Variants in DPY19L4 observed in about 807,000 individuals in gnomAD.
The protein encoded by DPY19L4 is probable C-mannosyltransferase DPY19L4.
In DPY19L4, 97 loss-of-function variants were observed where a neutral mutation model predicts 102.8. That is an observed-to-expected ratio of 0.94 (90% CI 0.80 to 1.12). The LOEUF (loss-of-function observed/expected upper bound fraction) is 1.12. DPY19L4 is among the 50% of genes most tolerant of loss of function. DPY19L4 has a pLI of 0.00. For missense variants in DPY19L4, 815 were observed against 850.4 expected, an observed-to-expected ratio of 0.96 and a Z score of 0.52; for synonymous variants, 252 against 283.1, an observed-to-expected ratio of 0.89 and a Z score of 1.10.
At chr8:94,757,932 G>A (rs2130866525) in intron 7 of DPY19L4, among the ~76,000 whole-genome samples, 1 of 151,938 alleles carries the variant, frequency 6.6e-6, no homozygotes, top group East Asian at 2.0e-4. Flanking sequence ...CCAACATGGT[G>A]AACCCTCTCT....
chr8:94,775,332 T>G (rs1813130208), intron 13 of DPY19L4, among the ~76,000 whole-genome samples: 1 of 151,902 alleles, frequency 6.6e-6, no homozygotes, highest in Non-Finnish European at 1.5e-5. Context: ...CCACCACGCC[T>G]GGCTAAATTT....
intron 7 of DPY19L4, among the ~76,000 whole-genome samples, chr8:94,757,913 C>G (rs982339422): frequency 6.6e-6 from 1 of 151,826 alleles, no homozygotes; most frequent in African/African-American, 2.4e-5. Flanking sequence ...GAGTTCGAGA[C>G]CAGCCTGGCC....
At chr8:94,733,734 G>A (rs1300521755) in intron 2 of DPY19L4, among the ~76,000 whole-genome samples, 1 of 151,788 alleles carries the variant, frequency 6.6e-6, no homozygotes, top group African/African-American at 2.4e-5. Context: ...TACAGACAGG[G>A]TTTCACCAGG....
intron 6 of DPY19L4, among the ~76,000 whole-genome samples, chr8:94,745,372 C>T (rs746011962): frequency 6.6e-6 from 1 of 152,066 alleles, no homozygotes; most frequent in Non-Finnish European, 1.5e-5. Context: ...CAAATACATA[C>T]CTAGGTTTCA....
intron 13 of DPY19L4, among the ~76,000 whole-genome samples, chr8:94,773,245 A>G (rs992104527): frequency 1.3e-5 from 2 of 151,434 alleles, no homozygotes; most frequent in South Asian, 2.1e-4. Flanking sequence ...AATATATGAA[A>G]TCCTTTGCAT....
At chr8:94,753,858 G>A (rs1812049632) in intron 6 of DPY19L4, among the ~76,000 whole-genome samples, 3 of 152,124 alleles carry the variant, frequency 2.0e-5, no homozygotes, top group Admixed American at 2.0e-4. Context: ...GGGCGACAGA[G>A]CAAGACTCCG....
At chr8:94,753,217 T>C (rs1812023082) in intron 6 of DPY19L4, among the ~76,000 whole-genome samples, 1 of 152,138 alleles carries the variant, frequency 6.6e-6, no homozygotes, top group Admixed American at 6.6e-5. Context: ...TATACTGCTT[T>C]TATAATAAAA....
chr8:94,784,011 A>G (rs1279741771), intron 17 of DPY19L4, among the ~76,000 whole-genome samples: 3 of 152,236 alleles, frequency 2.0e-5, no homozygotes, highest in African/African-American at 7.2e-5. Flanking sequence ...TCTTTGTTTT[A>G]TGAATAATAC....
At chr8:94,760,784 T>C (rs1161434786) in intron 7 of DPY19L4, among the ~76,000 whole-genome samples, 1 of 152,230 alleles carries the variant, frequency 6.6e-6, no homozygotes, top group Non-Finnish European at 1.5e-5. Context: ...TGTTGTTGCA[T>C]ACGTTATGGG....
intron 17 of DPY19L4, among the ~76,000 whole-genome samples, chr8:94,785,379 G>A (rs977136353): frequency 1.3e-5 from 2 of 152,188 alleles, no homozygotes; most frequent in African/African-American, 2.4e-5. Flanking sequence ...GCCTACAAAA[G>A]TCTAAGAAGT....
Position 94,777,099 on chromosome 8 carries a change from G to A in DPY19L4, c.1455-567G>A, listed in dbSNP as rs575658755. Reference sequence around the variant, plus strand: ...TTTTGTTTTTTTAAGACAGAGTCTCGCTTTTCACCCAGGCTGGAGTACAGT... The same window carrying A: ...TTTTGTTTTTTTAAGACAGAGTCTCACTTTTCACCCAGGCTGGAGTACAGT... On this transcript the variant is annotated intron_variant, in intron 13 of 18. Transcript: ENST00000414645. Among the ~76,000 whole-genome samples, 16 of 151,626 alleles carry A rather than the reference G, an allele frequency of 1.1e-4. No homozygotes were observed. The South Asian group carries it at 2.7e-3, about 26-fold the overall frequency.
At chr8:94,741,804 A>G (rs1164665671) in intron 6 of DPY19L4, among the ~76,000 whole-genome samples, 1 of 152,214 alleles carries the variant, frequency 6.6e-6, no homozygotes, top group Non-Finnish European at 1.5e-5. Context: ...TTCTGGCTCA[A>G]CAAGGTGAGT....
At chr8:94,774,523 C>T (rs1313203167) in intron 13 of DPY19L4, among the ~76,000 whole-genome samples, 3 of 151,634 alleles carry the variant, frequency 2.0e-5, no homozygotes, top group South Asian at 4.2e-4. Context: ...GAACAACTCT[C>T]GTTTTTTTCC....
chr8:94,743,767 A>C (rs1485519331), intron 6 of DPY19L4, among the ~76,000 whole-genome samples: 2 of 152,306 alleles, frequency 1.3e-5, no homozygotes, highest in East Asian at 3.9e-4. Flanking sequence ...ACACTTAGGG[A>C]GGCTGAGGCG....
At chr8:94,741,520 A>G (rs1471625899) in intron 6 of DPY19L4, among the ~76,000 whole-genome samples, 1 of 152,182 alleles carries the variant, frequency 6.6e-6, no homozygotes, top group East Asian at 1.9e-4. Flanking sequence ...GCTTAATTTC[A>G]ATTTACCAAT....
At chr8:94,727,536 C>G (rs1437678209) in intron 2 of DPY19L4, among the ~76,000 whole-genome samples, 1 of 152,206 alleles carries the variant, frequency 6.6e-6, no homozygotes, top group Non-Finnish European at 1.5e-5. Context: ...GCCCAGCCTA[C>G]AGCTATGATT....
At position 94,782,253 on chromosome 8, in the gene DPY19L4, T is replaced by C. The variant is rs1813462702; in HGVS notation, c.1715+1087T>C. Among the ~76,000 whole-genome samples, 3 of 152,174 alleles carry C rather than the reference T, an allele frequency of 2.0e-5. No homozygotes were observed. The South Asian group carries it at 6.2e-4, about 31-fold the overall frequency. On this transcript the variant is annotated intron_variant, in intron 16 of 18. Transcript: ENST00000414645. ...ACTGGATAGTCTAGGGTTGGCTATGTGTCAGCTGAGGGGATCAAATTTACT... is the reference window on the plus strand; with the variant it reads ...ACTGGATAGTCTAGGGTTGGCTATGCGTCAGCTGAGGGGATCAAATTTACT...
At chr8:94,743,883 A>G (rs113417326) in intron 6 of DPY19L4, among the ~76,000 whole-genome samples, 5,100 of 150,730 alleles carry the variant, frequency 0.034, 109 homozygotes, top group Admixed American at 0.041. Context: ...GCAGGTGCTT[A>G]TAGTCCCAGC....
chr8:94,734,633 T>C lies in DPY19L4; in HGVS notation c.131T>C (p.Val44Ala). The change falls in exon 3 of 19, where the codon GTA becomes GCA. Residue 44 changes from valine to alanine, a missense_variant. By Grantham distance (64) the Val-to-Ala change is moderately conservative (BLOSUM62 0). Transcript: ENST00000414645. ...IPIPERAPKHVLFQRFAKIFI... is the reference protein window; with the variant it reads ...IPIPERAPKHALFQRFAKIFI... ...TACTTTTAATATACTTTTTCAGATG[T>C]ATTATTTCAACGCTTTGCAAAGATT... The C allele has an allele frequency of 1.2e-6, 2 of 1,612,700 alleles. No homozygotes were observed. The highest frequency in any genetic ancestry group is 1.7e-6 in the Non-Finnish European group (2 of 1,179,280).
Sources: allele counts gnomAD v4.1 joint callset (sites outside exome capture counted in the v4.1 genomes callset), GRCh38; gene constraint gnomAD v4.1.1; transcripts MANE v1.5; gene names NCBI Gene and HGNC (gene_info 2026-07-23, HGNC 2026-07-21).